CAPZB: variants seen among roughly 807,000 people sequenced by gnomAD.
CAPZB encodes the protein F-actin-capping protein subunit beta.
In CAPZB, 2 loss-of-function variants were observed where a neutral mutation model predicts 38.1. The observed-to-expected ratio is 0.05, with a 90% CI of 0.02 to 0.17. The LOEUF is 0.17. CAPZB is among the 10% of genes least tolerant of loss of function. The pLI is 1.00. For missense variants in CAPZB, 161 were observed against 334.2 expected, an observed-to-expected ratio of 0.48 and a Z score of 4.04; for synonymous variants, 107 against 127.4, an observed-to-expected ratio of 0.84 and a Z score of 1.08.
intron 2 of CAPZB, among the ~76,000 whole-genome samples, chr1:19,397,831 G>GA (rs1200325800): frequency 6.6e-6 from 1 of 151,908 alleles, no homozygotes; most frequent in Non-Finnish European, 1.5e-5. Flanking sequence ...AAGAATGCAG[G>GA]GGGAAGCCTG....
intron 2 of CAPZB, among the ~76,000 whole-genome samples, chr1:19,398,446 C>A (rs7554287): frequency 1 from 152,018 of 152,270 alleles, 75,883 homozygotes; most frequent in Middle Eastern, 1. Flanking sequence ...TCTAAACCTC[C>A]ATGACCTACC....
At chr1:19,403,565 G>T (rs1279882041) in intron 2 of CAPZB, among the ~76,000 whole-genome samples, 1 of 152,232 alleles carries the variant, frequency 6.6e-6, no homozygotes, top group African/African-American at 2.4e-5. Flanking sequence ...TGTTCTCCGG[G>T]CTTGATCCCG....
chr1:19,364,393 A>T (rs1465539890), intron 4 of CAPZB, among the ~76,000 whole-genome samples: 1 of 152,186 alleles, frequency 6.6e-6, no homozygotes, highest in East Asian at 1.9e-4. Context: ...CAGTGAACTC[A>T]TTACATTCCT....
chr1:19,341,669 C>T (rs2093929774), intron 8 of CAPZB, among the ~76,000 whole-genome samples: 1 of 152,168 alleles, frequency 6.6e-6, no homozygotes, highest in Admixed American at 6.5e-5. Context: ...CAGTGGGCGG[C>T]CAGGGAACTG....
intron 2 of CAPZB, among the ~76,000 whole-genome samples, chr1:19,389,645 C>T (rs1027547126): frequency 1.1e-3 from 168 of 152,254 alleles, no homozygotes; most frequent in African/African-American, 3.9e-3. Context: ...CCAGGATGGT[C>T]TCTATCTCCT....
At chr1:19,353,651 G>A (rs127037) in intron 6 of CAPZB, among the ~76,000 whole-genome samples, 3 of 152,054 alleles carry the variant, frequency 2.0e-5, no homozygotes, top group East Asian at 1.9e-4. Context: ...CCCCCAAGCC[G>A]ACTGGCAGAG....
intron 2 of CAPZB, among the ~76,000 whole-genome samples, chr1:19,398,383 G>A (rs539944524): frequency 5.9e-5 from 9 of 152,318 alleles, no homozygotes; most frequent in Admixed American, 2.6e-4. Flanking sequence ...GTCAGAGGGC[G>A]GAGGTCTGGC....
At chr1:19,404,391 A>G (rs985585002) in intron 2 of CAPZB, among the ~76,000 whole-genome samples, 1 of 151,086 alleles carries the variant, frequency 6.6e-6, no homozygotes, top group Non-Finnish European at 1.5e-5. Context: ...TAAAAATACA[A>G]AACTTAGCCA....
chr1:19,344,586 C>A (rs59598727), intron 7 of CAPZB, 152 bp from the exon 8 acceptor site: 3 of 655,746 alleles, frequency 4.6e-6, no homozygotes, highest in Non-Finnish European at 8.2e-6. Flanking sequence ...CTCCAGGCTG[C>A]CAAGACCCCA....
intron 1 of CAPZB, among the ~76,000 whole-genome samples, chr1:19,445,595 C>CA (rs2094493294): frequency 6.6e-6 from 1 of 152,108 alleles, no homozygotes; most frequent in Admixed American, 6.5e-5. Flanking sequence ...TGTTTTCCAA[C>CA]AGGGATTACT....
At chr1:19,450,142 TCC>T (rs1265411574) in intron 1 of CAPZB, among the ~76,000 whole-genome samples, 2 of 54,204 alleles carry the variant, frequency 3.7e-5, no homozygotes, top group Non-Finnish European at 3.2e-5. Context: ...AGACCCTGTC[TCC>T]AAAAAAAAAA....
chr1:19,419,071 C>G (rs763864886), intron 2 of CAPZB, among the ~76,000 whole-genome samples: 8 of 152,194 alleles, frequency 5.3e-5, no homozygotes, highest in Non-Finnish European at 8.8e-5. Flanking sequence ...TTTGAGCACT[C>G]TTCAAATAAT....
At chr1:19,418,995 G>T (rs2094391261) in intron 2 of CAPZB, among the ~76,000 whole-genome samples, 1 of 152,196 alleles carries the variant, frequency 6.6e-6, no homozygotes, top group South Asian at 2.1e-4. Flanking sequence ...GATTCGGCTG[G>T]CCTCTTAGGA....
chr1:19,342,967 G>C, intron 8 of CAPZB: 1 of 753,736 alleles, frequency 1.3e-6, no homozygotes, highest in Non-Finnish European at 2.4e-6. Flanking sequence ...GGAGACCCAC[G>C]AGGCGGAAGG....
At chr1:19,451,711 A>T (rs547526730) in intron 1 of CAPZB, among the ~76,000 whole-genome samples, 1 of 151,300 alleles carries the variant, frequency 6.6e-6, no homozygotes, top group South Asian at 2.1e-4. Flanking sequence ...TTCCACATGG[A>T]CAGTGTGGAA....
chr1:19,350,069 A>T (rs754223026), intron 6 of CAPZB, among the ~76,000 whole-genome samples: 3 of 152,242 alleles, frequency 2.0e-5, no homozygotes, highest in Non-Finnish European at 2.9e-5. Flanking sequence ...GTGTGTCCCC[A>T]GCAGGCGCCT....
rs140313294 is a variant in CAPZB at position 19,411,244 on chromosome 1, G to C, written c.93+8417C>G. Among the ~76,000 whole-genome samples, 832 of 152,264 alleles carry C rather than the reference G, an allele frequency of 5.5e-3. 6 individuals are homozygous for C. The highest frequency in any genetic ancestry group is 0.019 in the African/African-American group (771 of 41,542). ...AAAGATGAAAAAAATTTTTTTCCAT[G>C]TAATTGAAAAGTATTTTATAGGGAA... On this transcript the variant is annotated intron_variant, in intron 2 of 8. Coordinates refer to ENST00000264202, the MANE Select transcript of CAPZB (RefSeq NM_004930.5).
chr1:19,423,278 G>A (rs765200540), intron 1 of CAPZB, among the ~76,000 whole-genome samples: 58 of 152,136 alleles, frequency 3.8e-4, no homozygotes, highest in Non-Finnish European at 6.3e-4. Context: ...CTTTTAAGAC[G>A]TTAAAATTAG....
rs112145422 is a variant in CAPZB at position 19,396,412 on chromosome 1, C to A, written c.94-10786G>T. On this transcript the variant is annotated intron_variant, in intron 2 of 8. Coordinates refer to ENST00000264202, the MANE Select transcript of CAPZB (RefSeq NM_004930.5). ...GAGTGGGAGACAGACCGAAACTTGA[C>A]GTGGATGGCATTTCATCTTCCTGAC... is the stretch of plus-strand genomic sequence containing the variant. Among the ~76,000 whole-genome samples the A allele has an allele frequency of 3.3e-5, 5 of 152,180 alleles. No homozygotes were observed. In the East Asian group the frequency reaches 9.6e-4, roughly 29 times the overall value.
Sources: gnomAD v4.1 joint callset for allele counts (sites outside exome capture counted in the v4.1 genomes callset) on GRCh38, gnomAD v4.1.1 for gene constraint, MANE v1.5 for transcripts, NCBI Gene and HGNC (gene_info 2026-07-23, HGNC 2026-07-21) for gene names.